The following SNX14 variants were observed in gnomAD, a reference collection of about 807,000 sequenced individuals.
SNX14 encodes the protein sorting nexin 14.
SNX14 carries 93 observed loss-of-function variants against 133.8 expected under a neutral mutation model. That is an observed-to-expected ratio of 0.70 (90% confidence interval 0.59 to 0.83). The LOEUF is 0.83. Among genes scored for constraint, SNX14 ranks in the 40% least tolerant of loss-of-function variants. The pLI, the probability that SNX14 is intolerant of heterozygous loss-of-function variation, is 0.00. For synonymous variants in SNX14, 368 were observed against 365.6 expected, an observed-to-expected ratio of 1.01 and a Z score of -0.07; for missense variants, 945 against 1,094.9, an observed-to-expected ratio of 0.86 and a Z score of 1.93.
At chr6:85,555,674 T>G (rs565146724) in intron 7 of SNX14, among the ~76,000 whole-genome samples, 1 of 152,144 alleles carries the variant, frequency 6.6e-6, no homozygotes, top group Admixed American at 6.6e-5. Context: ...TCAAAATCCA[T>G]AGAATGCACA....
chr6:85,509,813 C>T lies in SNX14; in HGVS notation c.2654-1754G>A, dbSNP rs188105003. On this transcript the variant is annotated intron_variant, in intron 26 of 28. Transcript: ENST00000314673. ...GCCCCAAAAAATCCTCTCTGCTCTG[C>T]CTATTCATCCCTCCCTCCCCTCCAA... Among the ~76,000 whole-genome samples the T allele has an allele frequency of 1.3e-3, 202 of 152,290 alleles. 1 individual carries two copies. Among genetic ancestry groups the T allele is most frequent in the Middle Eastern group, 0.01 (3 of 294 alleles).
chr6:85,547,987 G>A (rs1353745741), intron 9 of SNX14, among the ~76,000 whole-genome samples: 3 of 152,176 alleles, frequency 2.0e-5, no homozygotes, highest in Non-Finnish European at 2.9e-5. Context: ...AGTGAAATAA[G>A]CCAGTCACAA....
intron 1 of SNX14, among the ~76,000 whole-genome samples, chr6:85,585,056 TA>T (rs1800255187): frequency 1.3e-5 from 2 of 152,030 alleles, no homozygotes; most frequent in Non-Finnish European, 2.9e-5. Context: ...TAGGCAGCCA[TA>T]AAAAAGGATG....
intron 15 of SNX14, among the ~76,000 whole-genome samples, chr6:85,540,717 G>C (rs1431020322): frequency 6.6e-6 from 1 of 152,134 alleles, no homozygotes; most frequent in Non-Finnish European, 1.5e-5. Context: ...GTTACGTCAA[G>C]AAATACAATA....
At chr6:85,506,621 G>T (rs1277493960) in intron 28 of SNX14, among the ~76,000 whole-genome samples, 2 of 152,118 alleles carry the variant, frequency 1.3e-5, no homozygotes, top group Non-Finnish European at 2.9e-5. Flanking sequence ...CAGTCAACTT[G>T]AAAGTTTATA....
intron 1 of SNX14, chr6:85,588,808 C>T (rs922791808): frequency 2.0e-5 from 9 of 450,594 alleles, no homozygotes; most frequent in African/African-American, 1.8e-4. Flanking sequence ...ATGATGTAAG[C>T]TAGAGAAAAC....
At chr6:85,580,272 A>G (rs1798631532) in intron 1 of SNX14, among the ~76,000 whole-genome samples, 1 of 152,004 alleles carries the variant, frequency 6.6e-6, no homozygotes, top group South Asian at 2.1e-4. Flanking sequence ...TAAAGGAAGG[A>G]CCCATCCTGG....
intron 1 of SNX14, among the ~76,000 whole-genome samples, chr6:85,586,968 C>T (rs1395735186): frequency 6.6e-6 from 1 of 152,120 alleles, no homozygotes; most frequent in East Asian, 1.9e-4. Context: ...ATTCCTTGAA[C>T]TGAAGAAGTG....
intron 19 of SNX14, among the ~76,000 whole-genome samples, chr6:85,529,413 G>A (rs373484968): frequency 6.6e-6 from 1 of 151,662 alleles, no homozygotes; most frequent in Non-Finnish European, 1.5e-5. Context: ...AGGAAGGAAG[G>A]AAGCAAGCAT....
At chr6:85,543,572 C>T in intron 13 of SNX14, 33 bp downstream of exon 13, 1 of 1,512,464 alleles carries the variant, frequency 6.6e-7, no homozygotes, top group Non-Finnish European at 9.0e-7. Flanking sequence ...TGTAAGAGTG[C>T]TAAATAAGTC....
At chr6:85,529,929 T>C (rs1779699947) in intron 19 of SNX14, among the ~76,000 whole-genome samples, 1 of 152,182 alleles carries the variant, frequency 6.6e-6, no homozygotes, top group African/African-American at 2.4e-5. Flanking sequence ...GAACCCTTTC[T>C]AAAATATAGT....
At chr6:85,532,459 T>C (rs1209021763) in intron 18 of SNX14, among the ~76,000 whole-genome samples, 1 of 152,240 alleles carries the variant, frequency 6.6e-6, no homozygotes, top group East Asian at 1.9e-4. Context: ...GATCAACTTC[T>C]GAGGAAAATC....
intron 4 of SNX14, 136 bp downstream of exon 4, chr6:85,572,001 A>G (rs1795768623): frequency 1.5e-6 from 1 of 662,624 alleles, no homozygotes; most frequent in South Asian, 2.2e-5. Flanking sequence ...AGTCTGCAAT[A>G]ATCAACTGCC....
intron 27 of SNX14, 27 bp from the exon 28 acceptor site, chr6:85,507,316 A>G (rs751126640): frequency 1.8e-5 from 29 of 1,573,370 alleles, no homozygotes; most frequent in Non-Finnish European, 2.5e-5. Flanking sequence ...TAATAATAAT[A>G]AATGTTAAGG....
chr6:85,569,015 G>A (rs984228745), intron 4 of SNX14, among the ~76,000 whole-genome samples: 1 of 151,474 alleles, frequency 6.6e-6, no homozygotes, highest in Non-Finnish European at 1.5e-5. Context: ...GCCCGGGCTG[G>A]AGTGCAATAG....
At chr6:85,540,735 C>T (rs547115935) in intron 15 of SNX14, among the ~76,000 whole-genome samples, 1 of 152,230 alleles carries the variant, frequency 6.6e-6, no homozygotes, top group African/African-American at 2.4e-5. Context: ...ATATATTCTC[C>T]TCGTGGCTAA....
chr6:85,561,653 T>C (rs1417715359), intron 6 of SNX14, among the ~76,000 whole-genome samples: 4 of 151,998 alleles, frequency 2.6e-5, no homozygotes, highest in African/African-American at 9.7e-5. Flanking sequence ...AAGAAGTGCA[T>C]GGGAAAAAAA....
At chr6:85,521,419 T>C (rs984311781) in intron 21 of SNX14, among the ~76,000 whole-genome samples, 1 of 152,166 alleles carries the variant, frequency 6.6e-6, no homozygotes, top group Non-Finnish European at 1.5e-5. Context: ...TTGTTTTTTT[T>C]TCGTAGAGAC....
In SNX14 at chr6:85,567,518, T is replaced by C. The variant is rs1794260986; in HGVS notation, c.461+16A>G. The C allele has an allele frequency of 2.0e-6, 3 of 1,507,954 alleles. No homozygotes were observed. The African/African-American group carries it at 4.4e-5, about 22-fold the overall frequency. The allele number at this position is 1,507,954 out of a possible 1,614,324, so 93.4% of individuals were successfully genotyped here. On this transcript the variant is annotated intron_variant, in intron 5 of 28. Coordinates refer to ENST00000314673, the MANE Select transcript of SNX14 (RefSeq NM_153816.6). ...CACTGTATCACAGAAAAAAAGATCT[T>C]ATAGAAAGAACATACCTGTACCACG...
Sources: allele counts gnomAD v4.1 joint callset (sites outside exome capture counted in the v4.1 genomes callset), GRCh38; gene constraint gnomAD v4.1.1; transcripts MANE v1.5; gene names NCBI Gene and HGNC (gene_info 2026-07-23, HGNC 2026-07-21).